TDP1: variants seen among roughly 807,000 people sequenced by gnomAD.
TDP1 encodes the protein tyr-DNA phosphodiesterase 1.
Under a neutral mutation model 81.5 loss-of-function variants are expected in TDP1, and 64 were observed. That is an observed-to-expected ratio of 0.79 (90% CI 0.64 to 0.97). TDP1 has a LOEUF of 0.97. Among genes scored for constraint, TDP1 ranks in the 50% least tolerant of loss-of-function variants. The pLI, the probability that TDP1 is intolerant of heterozygous loss-of-function variation, is 0.00. For synonymous variants in TDP1, 256 were observed against 264.3 expected (o/e 0.97, Z 0.30); for missense variants, 723 against 743.8 (o/e 0.97, Z 0.33).
At chr14:90,023,287 G>T (rs1031521062) in intron 15 of TDP1, among the ~76,000 whole-genome samples, 1 of 152,168 alleles carries the variant, frequency 6.6e-6, no homozygotes, top group East Asian at 1.9e-4. Flanking sequence ...GGAAGAGGAG[G>T]CTTCCAGACA....
intron 14 of TDP1, among the ~76,000 whole-genome samples, chr14:89,995,829 C>A (rs1056567854): frequency 1.6e-4 from 25 of 152,186 alleles, no homozygotes; most frequent in Non-Finnish European, 2.9e-5. Flanking sequence ...TTTCACTATT[C>A]CCTCAAATGT....
At chr14:90,032,949 T>A in intron 15 of TDP1, 157 bp from the exon 16 acceptor site, 1 of 711,738 alleles carries the variant, frequency 1.4e-6, no homozygotes, top group Non-Finnish European at 1.7e-6. Context: ...GGGGGGGTTG[T>A]AAATATATTT....
rs1480022893 is a variant in TDP1, at chr14:89,963,430, G to A, written c.316G>A (p.Glu106Lys). ...ACCAGAAATGCCGCAGAAGCAGGCT[G>A]AGAAAGTGGTGATCAAAAAGGAGAA... ...LQPEMPQKQA[E>K]KVVIKKEKDI... Residue 106 changes from glutamate (E) to lysine (K), a missense_variant, in exon 3 of 17, where the codon GAG (glutamate) becomes AAG (lysine). Coordinates refer to ENST00000335725, the MANE Select transcript of TDP1 (RefSeq NM_018319.4). 1.9e-6 allele frequency: 3 copies of A among 1,613,886 alleles called. No homozygotes were observed. The highest frequency in any genetic ancestry group is 2.5e-6 in the Non-Finnish European group (3 of 1,179,852).
chr14:89,989,069 A>T lies in TDP1; in HGVS notation c.1296A>T (p.Lys432Asn). 6.2e-7 allele frequency: 1 copy of T among 1,614,068 alleles called. No homozygotes were observed. The highest frequency in any genetic ancestry group is 8.5e-7 in the Non-Finnish European group (1 of 1,179,972). Reference protein sequence around the residue: ...TLGKESKTPGKSSVPLYLIYP... With the variant: ...TLGKESKTPGNSSVPLYLIYP... ...GGAAGGAAAGCAAGACTCCAGGAAA[A>T]AGCTCTGTTCCTCTTTACTTGGTGA... The change falls in exon 11 of 17, where the codon AAA becomes AAT. Residue 432 changes from lysine to asparagine, a missense_variant. By Grantham distance (94) the Lys-to-Asn change is moderately conservative. Transcript: ENST00000335725.
At chr14:89,973,052 C>T (rs1893847054) in intron 6 of TDP1, among the ~76,000 whole-genome samples, 2 of 148,660 alleles carry the variant, frequency 1.3e-5, no homozygotes, top group Admixed American at 1.3e-4. Context: ...AGTACAAGAG[C>T]TCAATCTTGT....
chr14:89,996,347 C>T (rs1776373700), intron 14 of TDP1, among the ~76,000 whole-genome samples: 1 of 152,210 alleles, frequency 6.6e-6, no homozygotes, highest in African/African-American at 2.4e-5. Flanking sequence ...TGAGAAGAAG[C>T]CAGGCTAGCC....
intron 6 of TDP1, chr14:89,975,458 GACTC>G: frequency 2.0e-6 from 2 of 984,916 alleles, no homozygotes; most frequent in Non-Finnish European, 2.4e-6. Context: ...TTTGCATAGA[GACTC>G]ACTTGTTTTA....
intron 14 of TDP1, among the ~76,000 whole-genome samples, chr14:90,014,410 C>T (rs191549858): frequency 3.8e-4 from 58 of 152,324 alleles, no homozygotes; most frequent in African/African-American, 1.3e-3. Flanking sequence ...GTTTGTGGCA[C>T]ACACACTGCC....
chr14:90,011,921 T>C (rs527485646), intron 14 of TDP1, among the ~76,000 whole-genome samples: 1 of 152,354 alleles, frequency 6.6e-6, no homozygotes, highest in South Asian at 2.1e-4. Context: ...AGCCAAATGT[T>C]AATTGCCAAG....
chr14:89,976,799 A>G (rs1179417799), intron 7 of TDP1, among the ~76,000 whole-genome samples: 2 of 150,934 alleles, frequency 1.3e-5, no homozygotes, highest in East Asian at 4.0e-4. Context: ...TGCCTCCCCA[A>G]GTGTTGGGAT....
intron 2 of TDP1, among the ~76,000 whole-genome samples, chr14:89,957,575 AGG>A: frequency 6.6e-6 from 1 of 152,356 alleles, no homozygotes; most frequent in Middle Eastern, 3.4e-3. Context: ...CTCAATGAGA[AGG>A]AGCAGCTGGA....
At chr14:89,998,420 A>ATATATGTATGTATGTATGTATG (rs1566891293) in intron 14 of TDP1, among the ~76,000 whole-genome samples, 3 of 79,290 alleles carry the variant, frequency 3.8e-5, no homozygotes, top group African/African-American at 1.3e-4. Flanking sequence ...ATATATATAT[A>ATATATGTATGTATGTATGTATG]TATGTATGTA....
intron 6 of TDP1, among the ~76,000 whole-genome samples, chr14:89,974,502 T>G (rs1338896035): frequency 6.6e-6 from 1 of 152,194 alleles, no homozygotes; most frequent in Non-Finnish European, 1.5e-5. Flanking sequence ...ACAGGAGCTG[T>G]GTTGTAACTC....
intron 15 of TDP1, among the ~76,000 whole-genome samples, chr14:90,020,265 C>T (rs1441366288): frequency 6.6e-6 from 1 of 151,602 alleles, no homozygotes; most frequent in Non-Finnish European, 1.5e-5. Flanking sequence ...CCCATGTCAC[C>T]TCCTTATACT....
At chr14:89,986,911 C>T (rs886512156) in intron 10 of TDP1, 9 of 152,248 alleles carry the variant, frequency 5.9e-5, no homozygotes, top group Admixed American at 4.6e-4. Flanking sequence ...CTGCTCTCTC[C>T]AGCCCTCTAG....
chr14:90,007,515 G>A (rs1884175152), intron 14 of TDP1, among the ~76,000 whole-genome samples: 1 of 152,110 alleles, frequency 6.6e-6, no homozygotes, highest in African/African-American at 2.4e-5. Flanking sequence ...CTTGAACCCA[G>A]GAAGCAGAGG....
intron 7 of TDP1, among the ~76,000 whole-genome samples, chr14:89,976,540 T>TA (rs1894351142): frequency 7.4e-6 from 1 of 135,148 alleles, no homozygotes; most frequent in African/African-American, 3.0e-5. Flanking sequence ...TTTTTTTTTT[T>TA]TTTTTTTTTT....
In TDP1 at chr14:89,963,261, C is replaced by G; in HGVS notation, c.147C>G (p.Ser49=). ...CAAATGAGCCCAGGTACACCTGTTC[C>G]GAGGCCCAGAAAGCTGCACACAAGA... ...GAANEPRYTC[S]EAQKAAHKRK... is the part of the protein sequence containing the mutation. Residue 49 remains serine, a synonymous_variant, in exon 3 of 17, where the codon TCC becomes TCG. Transcript: ENST00000335725. 6.2e-7 allele frequency: 1 copy of G among 1,614,076 alleles called. No individual in the cohort carries two copies. The highest frequency in any genetic ancestry group is 8.5e-7 in the Non-Finnish European group (1 of 1,180,014).
intron 9 of TDP1, 129 bp from the exon 10 acceptor site, chr14:89,985,003 A>G (rs1895397919): frequency 1.5e-6 from 2 of 1,344,794 alleles, no homozygotes; most frequent in Admixed American, 2.6e-5. Context: ...TTGAGAGTCA[A>G]TTCAAGAAAA....
Sources: allele counts gnomAD v4.1 joint callset (sites outside exome capture counted in the v4.1 genomes callset), GRCh38; gene constraint gnomAD v4.1.1; transcripts MANE v1.5; gene names NCBI Gene and HGNC (gene_info 2026-07-23, HGNC 2026-07-21).